Variants in PRG2 observed in about 807,000 individuals in gnomAD.
PRG2 encodes proteoglycan 2, pro eosinophil major basic protein, also known as bone marrow proteoglycan.
PRG2 carries 23 observed loss-of-function variants against 24.7 expected under a neutral mutation model. The ratio of observed to expected loss-of-function variants is 0.93; its 90% CI spans 0.67 to 1.32. PRG2 has a LOEUF of 1.32. Ranked by LOEUF, PRG2 falls within the 40% of genes most tolerant of loss-of-function variation. PRG2 has a pLI of 0.00. For synonymous variants in PRG2, 104 were observed against 99.8 expected, an observed-to-expected ratio of 1.04 and a Z score of -0.25; for missense variants, 271 against 280.9, an observed-to-expected ratio of 0.96 and a Z score of 0.25.
intron 2 of PRG2, 92 bp downstream of exon 2, chr11:57,389,795 T>C (rs1857122794): frequency 1.7e-6 from 2 of 1,164,980 alleles, no homozygotes; most frequent in Non-Finnish European, 2.4e-6. Flanking sequence ...TAGAAGACGA[T>C]CAAAGAAGGG....
chr11:57,390,511 C>T, intron 1 of PRG2, 85 bp downstream of exon 1: 1 of 885,184 alleles, frequency 1.1e-6, no homozygotes, highest in Non-Finnish European at 1.4e-6. Context: ...CGCCTGCCAG[C>T]CCTCCAGAAA....
Position 57,387,828 on chromosome 11 carries a change from C to A in PRG2, c.536G>T (p.Arg179Leu). 1 of 1,579,840 alleles carries A rather than the reference C, an allele frequency of 6.3e-7. No individual in the cohort carries two copies. Among genetic ancestry groups the A allele is most frequent in the Non-Finnish European group, 8.6e-7 (1 of 1,163,032 alleles). Residue 179 changes from arginine (R) to leucine (L), a missense_variant, in exon 5 of 6, where the codon CGC (arginine) becomes CTC (leucine). Coordinates refer to ENST00000311862, the MANE Select transcript of PRG2 (RefSeq NM_002728.6). ...CRRFQWVDGS[R>L]WNFAYWAAHQ... ...AGCAGCCCAGTATGCAAAGTTCCAG[C>A]GGCTGCCGTCAACCCACTGAAAGCG...
rs577112012 is a variant in PRG2 at position 57,387,204 on chromosome 11, A to G, written c.*271T>C. ...AGCTGAGCCCATTCCTCCATCTCCA[A>G]AAGGCTCCATAGACCCAACTCCACC... On this transcript the variant is annotated 3_prime_UTR_variant, in exon 6 of 6. Transcript: ENST00000311862. 29 of 385,026 alleles carry G rather than the reference A, an allele frequency of 7.5e-5. No individual in the cohort carries two copies. Among genetic ancestry groups the G allele is most frequent in the African/African-American group, 5.6e-4 (27 of 48,038 alleles). The allele number at this position is 385,026 out of a possible 1,614,324, so 23.9% of individuals were successfully genotyped here.
rs11229018 is a variant in PRG2, at chr11:57,389,001, G to T, written c.366+9C>A. On this transcript the variant is annotated intron_variant, in intron 3 of 5. Coordinates refer to ENST00000311862, the MANE Select transcript of PRG2 (RefSeq NM_002728.6). ...GCTCCCACCTCAGCCTCAGCCATAG[G>T]CCACTCACCCAAGCTTGACTAAACG... is the stretch of plus-strand genomic sequence containing the variant. The T allele has an allele frequency of 1.9e-6, 3 of 1,611,344 alleles. No individual in the cohort carries two copies. The highest frequency in any genetic ancestry group is 1.7e-5 in the Admixed American group (1 of 59,914).
In PRG2 at chr11:57,387,264, AC is replaced by A; in HGVS notation, c.*210del. 1.9e-6 allele frequency: 1 copy of A among 524,698 alleles called. No homozygotes were observed. Among genetic ancestry groups the A allele is most frequent in the East Asian group, 3.3e-5 (1 of 30,066 alleles). 32.5% of individuals were successfully genotyped at this position (524,698 alleles called of 1,614,324 possible). A position where few individuals can be genotyped will look rare whatever the true frequency, so the allele number is the denominator to read the frequency against. ...CCTCCTCAAGGAGTAGTAGCTTCTG[AC>A]ACTTCTATGAAAGTTGTGGTGTGGG... is the stretch of plus-strand genomic sequence containing the variant. On this transcript the variant is annotated 3_prime_UTR_variant, in exon 6 of 6. Transcript: ENST00000311862.
intron 5 of PRG2, 70 bp downstream of exon 5, chr11:57,387,684 T>C: frequency 7.1e-7 from 1 of 1,406,142 alleles, no homozygotes; most frequent in Admixed American, 2.3e-5. Context: ...AGGCTCTTTG[T>C]AGCATCTCCT....
intron 4 of PRG2, among the ~76,000 whole-genome samples, chr11:57,388,372 A>G (rs951332617): frequency 6.6e-6 from 1 of 152,084 alleles, no homozygotes; most frequent in Non-Finnish European, 1.5e-5. Flanking sequence ...AGAGATGGAA[A>G]GGAACTTGGA....
At position 57,387,836 on chromosome 11, in the gene PRG2, G is replaced by T. The variant is rs751238898; in HGVS notation, c.528C>A (p.Asp176Glu). The T allele has an allele frequency of 6.3e-7, 1 of 1,578,372 alleles. No individual in the cohort carries two copies. Among genetic ancestry groups the T allele is most frequent in the Non-Finnish European group, 8.6e-7 (1 of 1,162,060 alleles). ...AGTATGCAAAGTTCCAGCGGCTGCC[G>T]TCAACCCACTGAAAGCGTCTGCAGC... is the stretch of plus-strand genomic sequence containing the variant. ...SGRCRRFQWV[D>E]GSRWNFAYWA... The change falls in exon 5 of 6, where the codon GAC becomes GAA. Residue 176 changes from aspartate (D) to glutamate (E), a missense_variant. By Grantham distance (45) the Asp-to-Glu change is conservative. Coordinates refer to ENST00000311862, the MANE Select transcript of PRG2 (RefSeq NM_002728.6).
rs138745533 is a variant in PRG2, at chr11:57,389,054, G to A, written c.322C>T (p.Arg108Cys). 51 of 1,614,164 alleles carry A rather than the reference G, an allele frequency of 3.2e-5. No homozygotes were observed. Among genetic ancestry groups the A allele is most frequent in the Middle Eastern group, 1.6e-4 (1 of 6,062 alleles). ...VVGIPGCQTCRYLLVRSLQTF... is the reference protein window; with the variant it reads ...VVGIPGCQTCCYLLVRSLQTF... ...TGAAGACTTCTCACCAGGAGGTAGC[G>A]GCAGGTCTGGCACCCAGGGATGCCC... The change falls in exon 3 of 6, where the codon CGC becomes TGC. Residue 108 changes from arginine to cysteine, a missense_variant. Transcript: ENST00000311862.
At chr11:57,387,964 AAT>A in intron 4 of PRG2, 99 bp from the exon 5 acceptor site, 2 of 834,812 alleles carry the variant, frequency 2.4e-6, no homozygotes, top group Non-Finnish European at 3.7e-6. Context: ...CCCACCGGGC[AAT>A]GGGCCCTTCC....
chr11:57,389,717 C>A (rs145079745), intron 2 of PRG2, among the ~76,000 whole-genome samples, 170 bp downstream of exon 2: 1 of 152,244 alleles, frequency 6.6e-6, no homozygotes, highest in Admixed American at 6.5e-5. Flanking sequence ...ATAACAGACG[C>A]CTTGAGAAAT....
chr11:57,389,790 G>T (rs1023454599), intron 2 of PRG2, 97 bp downstream of exon 2: 50 of 1,112,184 alleles, frequency 4.5e-5, no homozygotes, highest in Non-Finnish European at 2.3e-5. Flanking sequence ...AGAAATAGAA[G>T]ACGATCAAAG....
Position 57,387,484 on chromosome 11 carries a change from A to G in PRG2, c.660T>C (p.Cys220=). 1 of 1,613,962 alleles carries G rather than the reference A, an allele frequency of 6.2e-7. No individual in the cohort carries two copies. The highest frequency in any genetic ancestry group is 2.2e-5 in the East Asian group (1 of 44,866). The change falls in exon 6 of 6, where the codon TGT becomes TGC. Residue 220 remains cysteine (C), a synonymous_variant. Coordinates refer to ENST00000311862, the MANE Select transcript of PRG2 (RefSeq NM_002728.6). ...GCTGGCTGGGACCAGCTCAGTAGGA[A>G]CAGATGAAAGGAAGTCTTCTGAGGC... ...AHCLRRLPFI[C]SY is the part of the protein sequence containing the mutation.
At position 57,388,969 on chromosome 11, in the gene PRG2, G is replaced by A. The variant is rs765928196; in HGVS notation, c.366+41C>T. 9.9e-5 allele frequency: 158 copies of A among 1,592,916 alleles called. 1 individual carries two copies. The East Asian group carries it at 2.1e-3, about 21-fold the overall frequency. On this transcript the variant is annotated intron_variant, in intron 3 of 5. Transcript: ENST00000311862. ...AATGCTGGGGGCATATCCCACACCC[G>A]TTCCATGCTCCCACCTCAGCCTCAG... is the stretch of plus-strand genomic sequence containing the variant.
At chr11:57,390,006 C>T in intron 1 of PRG2, 50 bp from the exon 2 acceptor site, 1 of 1,448,950 alleles carries the variant, frequency 6.9e-7, no homozygotes, top group Non-Finnish European at 9.6e-7. Context: ...CACACATGCA[C>T]ACACATCACA....
intron 1 of PRG2, 199 bp downstream of exon 1, chr11:57,390,397 T>TC: frequency 5.5e-6 from 1 of 181,986 alleles, no homozygotes; most frequent in Non-Finnish European, 1.1e-5. Context: ...CCATCTCCTT[T>TC]CCCCAGCCAA....
Position 57,389,174 on chromosome 11 carries a change from A to G in PRG2, c.202T>C (p.Ser68Pro), listed in dbSNP as rs901719612. ...GACTCAACAGCCCCATCTTTCTTGG[A>G]GGCATCTTCACTTCCAGAGCCCCAC... ...EEWGSGSEDA[S>P]KKDGAVESIS... The change falls in exon 3 of 6, where the codon TCC becomes CCC. Residue 68 changes from serine (S) to proline (P), a missense_variant. Transcript: ENST00000311862. 2 of 1,614,130 alleles carry G rather than the reference A, an allele frequency of 1.2e-6. No homozygotes were observed. The highest frequency in any genetic ancestry group is 1.7e-6 in the Non-Finnish European group (2 of 1,180,022).
At position 57,390,639 on chromosome 11, in the gene PRG2, A is replaced by G. The variant is rs1045834798; in HGVS notation, c.-56T>C. On this transcript the variant is annotated 5_prime_UTR_variant, in exon 1 of 6. Transcript: ENST00000311862. Reference sequence around the variant, plus strand: ...GGGTCTTTAGATCTTCCCAAAGCCCAGGTCCTTCTTTGCTTCCTCTCACAA... The same window carrying G: ...GGGTCTTTAGATCTTCCCAAAGCCCGGGTCCTTCTTTGCTTCCTCTCACAA... 2.0e-6 allele frequency: 2 copies of G among 985,412 alleles called. No homozygotes were observed. Among genetic ancestry groups the G allele is most frequent in the Admixed American group, 6.1e-5 (1 of 16,274 alleles). 61.0% of individuals were successfully genotyped at this position (985,412 alleles called of 1,614,324 possible). A position where few individuals can be genotyped will look rare whatever the true frequency, so the allele number is the denominator to read the frequency against.
intron 2 of PRG2, 91 bp from the exon 3 acceptor site, chr11:57,389,408 C>T: frequency 7.3e-7 from 1 of 1,375,924 alleles, no homozygotes; most frequent in African/African-American, 1.4e-5. Flanking sequence ...CCCTGGGCAT[C>T]AGAGTGCTCA....
Sources: allele counts gnomAD v4.1 joint callset (sites outside exome capture counted in the v4.1 genomes callset), GRCh38; gene constraint gnomAD v4.1.1; transcripts MANE v1.5; gene names NCBI Gene and HGNC (gene_info 2026-07-23, HGNC 2026-07-21).